Variants in TP53INP1 observed in about 807,000 individuals in gnomAD.
TP53INP1 encodes the protein tumor protein p53 inducible nuclear protein 1, also known as tumor protein p53-inducible nuclear protein 1.
TP53INP1 carries 12 observed loss-of-function variants against 21.0 expected under a neutral mutation model. That is an observed-to-expected ratio of 0.57 (90% CI 0.37 to 0.93). The LOEUF is 0.93. Ranked by LOEUF, TP53INP1 falls within the 40% of genes least tolerant of loss-of-function variation. The probability of loss-of-function intolerance (pLI) is 0.01; values close to 1 mark genes in which losing one functional copy is unlikely to be tolerated. For missense variants in TP53INP1, 274 were observed against 294.7 expected, an observed-to-expected ratio of 0.93 and a Z score of 0.51; for synonymous variants, 91 against 94.8, an observed-to-expected ratio of 0.96 and a Z score of 0.23.
chr8:94,947,719 G>A (rs1822145695), intron 1 of TP53INP1, among the ~76,000 whole-genome samples: 1 of 152,224 alleles, frequency 6.6e-6, no homozygotes, highest in Non-Finnish European at 1.5e-5. Context: ...AAAGACAAGA[G>A]TAAGTGGTAA....
rs2131304230 is a variant in TP53INP1 at position 94,929,376 on chromosome 8, T to C, written c.*1103A>G. On this transcript the variant is annotated 3_prime_UTR_variant, in exon 4 of 4. Transcript: ENST00000342697. ...TGAAGTTAAAACAAAAAATGAAAAG[T>C]CACTTGGACTGCAGGGAAGAATACT... is the stretch of plus-strand genomic sequence containing the variant. The C allele has an allele frequency of 6.6e-6, 1 of 150,952 alleles. No individual in the cohort carries two copies. Among genetic ancestry groups the C allele is most frequent in the East Asian group, 1.9e-4 (1 of 5,138 alleles). 9.4% of individuals were successfully genotyped at this position (150,952 alleles called of 1,614,324 possible). A position where few individuals can be genotyped will look rare whatever the true frequency, so the allele number is the denominator to read the frequency against.
In TP53INP1 at chr8:94,926,893, T is replaced by C. The variant is rs967807941; in HGVS notation, c.*3586A>G. 7 of 152,206 alleles carry C rather than the reference T, an allele frequency of 4.6e-5. No individual in the cohort carries two copies. Among genetic ancestry groups the C allele is most frequent in the Admixed American group, 1.3e-4 (2 of 15,280 alleles). The allele number at this position is 152,206 out of a possible 1,614,324, so 9.4% of individuals were successfully genotyped here. ...AGCATTTTATGTATAATTTTAAGCA[T>C]TAAAGTAAGTAGATAGGGATGCCAT... On this transcript the variant is annotated 3_prime_UTR_variant, in exon 4 of 4. Coordinates refer to ENST00000342697, the MANE Select transcript of TP53INP1 (RefSeq NM_033285.4).
chr8:94,939,874 GC>G lies in TP53INP1; in HGVS notation c.458del (p.Ser153ThrfsTer43). 1 of 1,612,824 alleles carries G rather than the reference GC, an allele frequency of 6.2e-7. No individual in the cohort carries two copies. The highest frequency in any genetic ancestry group is 1.1e-5 in the South Asian group (1 of 90,976). On this transcript the variant is annotated frameshift_variant, in exon 3 of 4. Coordinates refer to ENST00000342697, the MANE Select transcript of TP53INP1 (RefSeq NM_033285.4). LOFTEE classifies it high-confidence loss of function. ...TTGTAACGTACCTGGGACTACTTGG[GC>G]TATGTAATTCATCAGTCCCACGGGT... ...EATRGTDELH[S>X]PSSPRVEAQN...
chr8:94,936,584 T>A (rs1046229279), intron 3 of TP53INP1, among the ~76,000 whole-genome samples: 8 of 151,980 alleles, frequency 5.3e-5, no homozygotes, highest in African/African-American at 1.9e-4. Context: ...TAGGTTTGGG[T>A]TTTTACTGAC....
rs561010086 is a variant in TP53INP1 at position 94,949,135 on chromosome 8, G to GCCCCC, written c.-151+14_-151+18dup. ...GGCGGCCCTGGACGGACGCCCGCCCGCCCCCCCCCGGCACTTACGTGGGCC... is the reference window on the plus strand; with the variant it reads ...GGCGGCCCTGGACGGACGCCCGCCCGCCCCCCCCCCCCCCGGCACTTACGTGGGCC... On this transcript the variant is annotated intron_variant, in intron 1 of 3. Transcript: ENST00000342697. 1 of 145,784 alleles carries GCCCCC rather than the reference G, an allele frequency of 6.9e-6. No homozygotes were observed. Among genetic ancestry groups the GCCCCC allele is most frequent in the Non-Finnish European group, 1.5e-5 (1 of 65,566 alleles). The allele number at this position is 145,784 out of a possible 1,614,324, so 9.0% of individuals were successfully genotyped here.
At chr8:94,936,904 G>A (rs1050338873) in intron 3 of TP53INP1, among the ~76,000 whole-genome samples, 4 of 152,252 alleles carry the variant, frequency 2.6e-5, no homozygotes, top group East Asian at 1.9e-4. Context: ...AATGAGAACC[G>A]TTCTGCCAGC....
At chr8:94,938,256 G>A (rs1272506984) in intron 3 of TP53INP1, among the ~76,000 whole-genome samples, 1 of 152,190 alleles carries the variant, frequency 6.6e-6, no homozygotes, top group African/African-American at 2.4e-5. Flanking sequence ...GTACGATGAT[G>A]GATGGAATGA....
At chr8:94,935,806 A>C (rs766596665) in intron 3 of TP53INP1, among the ~76,000 whole-genome samples, 1 of 152,232 alleles carries the variant, frequency 6.6e-6, no homozygotes, top group Non-Finnish European at 1.5e-5. Flanking sequence ...AGCTTTACGT[A>C]AAGAAGTTAT....
Position 94,926,017 on chromosome 8 carries a change from C to T in TP53INP1, c.*4462G>A, listed in dbSNP as rs370439320. 1 of 152,582 alleles carries T rather than the reference C, an allele frequency of 6.6e-6. No homozygotes were observed. The highest frequency in any genetic ancestry group is 1.5e-5 in the Non-Finnish European group (1 of 68,032). 9.5% of individuals were successfully genotyped at this position (152,582 alleles called of 1,614,324 possible). Reference sequence around the variant, plus strand: ...TTTACTGACAGATTGAAAACTGTAACTCCAGGTAGTGCAAAATGCACCACA... The same window carrying T: ...TTTACTGACAGATTGAAAACTGTAATTCCAGGTAGTGCAAAATGCACCACA... On this transcript the variant is annotated 3_prime_UTR_variant, in exon 4 of 4. Transcript: ENST00000342697.
rs181955536 is a variant in TP53INP1, at chr8:94,947,182, C to T, written c.-151+1972G>A. ...ATTCCAATTCCTTGTTTTCCCTATA[C>T]ATGCTCTTTTAGGCTCCCAGTCTCA... On this transcript the variant is annotated intron_variant, in intron 1 of 3. Coordinates refer to ENST00000342697, the MANE Select transcript of TP53INP1 (RefSeq NM_033285.4). Among the ~76,000 whole-genome samples, 37 of 151,972 alleles carry T rather than the reference C, an allele frequency of 2.4e-4. No individual in the cohort carries two copies. In the East Asian group the frequency reaches 6.6e-3, roughly 27 times the overall value.
At chr8:94,935,128 T>TATAGATAG (rs56734843) in intron 3 of TP53INP1, among the ~76,000 whole-genome samples, 40,984 of 144,468 alleles carry the variant, frequency 0.28, 6,028 homozygotes, top group Middle Eastern at 0.32. Context: ...GGTAGATAGA[T>TATAGATAG]ATAGATAGAT....
Position 94,930,203 on chromosome 8 carries a change from A to G in TP53INP1, c.*276T>C, listed in dbSNP as rs1820253334. The G allele has an allele frequency of 2.7e-6, 1 of 370,600 alleles. No homozygotes were observed. The highest frequency in any genetic ancestry group is 4.9e-6 in the Non-Finnish European group (1 of 205,310). 23.0% of individuals were successfully genotyped at this position (370,600 alleles called of 1,614,324 possible). On this transcript the variant is annotated 3_prime_UTR_variant, in exon 4 of 4. Coordinates refer to ENST00000342697, the MANE Select transcript of TP53INP1 (RefSeq NM_033285.4). ...AAAATGCTGACTAATGTATAACCTA[A>G]TATATTTAAAGACACCCCCAAACAC...
Position 94,930,712 on chromosome 8 carries a change from C to G in TP53INP1, c.490G>C (p.Glu164Gln), listed in dbSNP as rs1460977762. Residue 164 changes from glutamate to glutamine, a missense_variant, in exon 4 of 4, where the codon GAA (glutamate) becomes CAA (glutamine). Physicochemically the swap from Glu to Gln is conservative, Grantham distance 29. Transcript: ENST00000342697. ...PSSPRVEAQNEMGQHIHCYVA... is the reference protein window; with the variant it reads ...PSSPRVEAQNQMGQHIHCYVA... ...TAACAATGAATATGCTGCCCCATTT[C>G]ATTTTGAGCTTCCACTCTGAAACAG... 6 of 1,614,086 alleles carry G rather than the reference C, an allele frequency of 3.7e-6. No homozygotes were observed. Among genetic ancestry groups the G allele is most frequent in the East Asian group, 2.2e-5 (1 of 44,890 alleles).
At position 94,940,032 on chromosome 8, in the gene TP53INP1, G is replaced by T. The variant is rs774971238; in HGVS notation, c.301C>A (p.Pro101Thr). 2 of 1,614,192 alleles carry T rather than the reference G, an allele frequency of 1.2e-6. No homozygotes were observed. Among genetic ancestry groups the T allele is most frequent in the South Asian group, 1.1e-5 (1 of 91,084 alleles). The part of the protein sequence containing the change: ...PMEESWFITP[P>T]PCFTAGGLTT... ...AATCCACCTGCAGTAAAACATGGGG[G>T]TGGGGTGATAAACCAGCTCTCCTCC... The change falls in exon 3 of 4, where the codon CCC becomes ACC. Residue 101 changes from proline (P) to threonine (T), a missense_variant. Coordinates refer to ENST00000342697, the MANE Select transcript of TP53INP1 (RefSeq NM_033285.4).
At chr8:94,935,282 G>A (rs1311377008) in intron 3 of TP53INP1, among the ~76,000 whole-genome samples, 1 of 152,174 alleles carries the variant, frequency 6.6e-6, no homozygotes, top group Non-Finnish European at 1.5e-5. Flanking sequence ...CTCAACCTAA[G>A]AGAGGGAATG....
intron 1 of TP53INP1, among the ~76,000 whole-genome samples, chr8:94,947,274 C>CA (rs1199887826): frequency 3.0e-5 from 3 of 99,562 alleles, no homozygotes; most frequent in Non-Finnish European, 6.6e-5. Flanking sequence ...TAGGCGGCTC[C>CA]AAAAAATATT....
chr8:94,946,052 G>T (rs1179072566), intron 1 of TP53INP1, among the ~76,000 whole-genome samples: 2 of 151,608 alleles, frequency 1.3e-5, no homozygotes, highest in Admixed American at 1.3e-4. Flanking sequence ...AGAAAAATAA[G>T]TATTATTCCA....
At chr8:94,943,409 A>G (rs1821725880) in intron 1 of TP53INP1, among the ~76,000 whole-genome samples, 1 of 152,202 alleles carries the variant, frequency 6.6e-6, no homozygotes. Flanking sequence ...GGATCTCTTG[A>G]GTCCAGGTTC....
chr8:94,945,856 C>G (rs1011237237), intron 1 of TP53INP1, among the ~76,000 whole-genome samples: 2 of 152,128 alleles, frequency 1.3e-5, no homozygotes, highest in Admixed American at 1.3e-4. Flanking sequence ...GCAGTTTCCC[C>G]GACAAGAGAA....
Sources: gnomAD v4.1 joint callset for allele counts (sites outside exome capture counted in the v4.1 genomes callset) on GRCh38, gnomAD v4.1.1 for gene constraint, MANE v1.5 for transcripts, NCBI Gene and HGNC (gene_info 2026-07-23, HGNC 2026-07-21) for gene names.